Variants in GNAT2 observed in about 807,000 individuals in gnomAD.
GNAT2 encodes G protein subunit alpha transducin 2, also known as guanine nucleotide-binding protein G(t) subunit alpha-2.
Under a neutral mutation model 40.9 loss-of-function variants are expected in GNAT2, and 32 were observed. The observed-to-expected ratio is 0.78, with a 90% confidence interval of 0.59 to 1.05. GNAT2 has a LOEUF of 1.05. Ranked by LOEUF, GNAT2 falls within the 50% of genes least tolerant of loss-of-function variation. The pLI is 0.00. For synonymous variants in GNAT2, 141 were observed against 157.2 expected (o/e 0.90, Z 0.77); for missense variants, 355 against 431.5 (o/e 0.82, Z 1.57).
rs1649598255 is a variant in GNAT2, at chr1:109,606,415, T to A, written c.483A>T (p.Arg161=). 2 of 1,613,158 alleles carry A rather than the reference T, an allele frequency of 1.2e-6. No homozygotes were observed. ...TAGGGAGGTACTCAGGGTCTGTAAT[T>A]CGTTCTAATTGGTTCAGGTAGCTAG... ...SASYYLNQLE[R]ITDPEYLPSE... The change falls in exon 6 of 9, where the codon CGA becomes CGT. Residue 161 remains arginine (R), a synonymous_variant. Transcript: ENST00000679935.
At position 109,605,752 on chromosome 1, in the gene GNAT2, A is replaced by G. The variant is rs989457823; in HGVS notation, c.720+218T>C. 29 of 517,604 alleles carry G rather than the reference A, an allele frequency of 5.6e-5. No homozygotes were observed. The East Asian group carries it at 7.5e-4, about 13-fold the overall frequency. 32.1% of individuals were successfully genotyped at this position (517,604 alleles called of 1,614,324 possible). ...TACTTAGATGTCTAATTTGAGACCA[A>G]GCTCACTGTCAGTAAATTTGGAGCT... On this transcript the variant is annotated intron_variant, in intron 7 of 8. Transcript: ENST00000679935.
At chr1:109,608,499 G>T in intron 5 of GNAT2, 132 bp downstream of exon 5, 1 of 820,352 alleles carries the variant, frequency 1.2e-6, no homozygotes, top group Non-Finnish European at 2.2e-6. Flanking sequence ...AGATCCACAG[G>T]CTGAATTCAG....
At position 109,603,449 on chromosome 1, in the gene GNAT2, T is replaced by C. The variant is rs1257988049; in HGVS notation, c.970A>G (p.Thr324Ala). 3 of 1,594,022 alleles carry C rather than the reference T, an allele frequency of 1.9e-6. No individual in the cohort carries two copies. Among genetic ancestry groups the C allele is most frequent in the African/African-American group, 1.3e-5 (1 of 74,518 alleles). ...ACATTCTGTGTATCTGTAGCACAGG[T>C]CATGTGACTGTAGATTTCTTTGACA... Reference protein sequence around the residue: ...KDVKEIYSHMTCATDTQNVKF... With the variant: ...KDVKEIYSHMACATDTQNVKF... The change falls in exon 9 of 9, where the codon ACC becomes GCC. Residue 324 changes from threonine (T) to alanine (A), a missense_variant. Coordinates refer to ENST00000679935, the MANE Select transcript of GNAT2 (RefSeq NM_001377295.2).
chr1:109,606,537 GA>G, intron 5 of GNAT2, 101 bp from the exon 6 acceptor site: 2 of 973,672 alleles, frequency 2.1e-6, no homozygotes, highest in Admixed American at 3.5e-5. Context: ...TTTGGTGATA[GA>G]AATCAGGACT....
Position 109,608,968 on chromosome 1 carries a change from A to T in GNAT2, c.304-180T>A, listed in dbSNP as rs575967619. 1.1e-5 allele frequency: 7 copies of T among 666,610 alleles called. No individual in the cohort carries two copies. In the African/African-American group the frequency reaches 1.2e-4, roughly 12 times the overall value. The allele number at this position is 666,610 out of a possible 1,614,324, so 41.3% of individuals were successfully genotyped here. A position where few individuals can be genotyped will look rare whatever the true frequency, so the allele number is the denominator to read the frequency against. On this transcript the variant is annotated intron_variant, in intron 4 of 8. Coordinates refer to ENST00000679935, the MANE Select transcript of GNAT2 (RefSeq NM_001377295.2). ...TTGAATTTTTGAGTATGCTCCCCAG[A>T]TGCAGAGGGTGGCACTATACCCAGC... is the stretch of plus-strand genomic sequence containing the variant.
chr1:109,612,181 A>T (rs1383306440), intron 2 of GNAT2: 1 of 174,648 alleles, frequency 5.7e-6, no homozygotes, highest in East Asian at 1.5e-4. Context: ...CAGCTATTGA[A>T]TAGAGAGCCA....
chr1:109,605,217 G>T (rs1649556427), intron 7 of GNAT2: 2 of 152,992 alleles, frequency 1.3e-5, no homozygotes, highest in South Asian at 4.1e-4. Context: ...CATCAGCAAG[G>T]TGTGGACCTC....
intron 8 of GNAT2, 181 bp downstream of exon 8, chr1:109,603,770 T>C: frequency 6.0e-6 from 4 of 669,124 alleles, no homozygotes; most frequent in Non-Finnish European, 1.1e-5. Context: ...AGGTATCATA[T>C]GAAGTCAGTG....
At chr1:109,618,345 T>C (rs998282169) in intron 1 of GNAT2, 5 of 152,270 alleles carry the variant, frequency 3.3e-5, no homozygotes, top group Non-Finnish European at 7.3e-5. Context: ...CTGTATTTCA[T>C]GGTATGAATA....
chr1:109,615,897 TC>T (rs1649941107), intron 1 of GNAT2: 6 of 152,262 alleles, frequency 3.9e-5, no homozygotes, highest in Non-Finnish European at 8.8e-5. Flanking sequence ...ATGCATGAAC[TC>T]TATAACAGCA....
intron 8 of GNAT2, 97 bp downstream of exon 8, chr1:109,603,854 C>G: frequency 1.1e-6 from 1 of 919,100 alleles, no homozygotes; most frequent in East Asian, 2.4e-5. Context: ...CCAAGGTTCT[C>G]CCTTAAGTTC....
At chr1:109,607,799 A>G (rs1256142660) in intron 5 of GNAT2, 1 of 152,238 alleles carries the variant, frequency 6.6e-6, no homozygotes, top group Non-Finnish European at 1.5e-5. Context: ...AATGAGGCTA[A>G]TTAGAAAGGT....
intron 1 of GNAT2, chr1:109,617,417 T>C (rs76912669): frequency 0.077 from 11,670 of 152,190 alleles, 716 homozygotes; most frequent in East Asian, 0.32. Flanking sequence ...CTAGGGAATA[T>C]CTCAGAGGCT....
At chr1:109,605,553 T>C in intron 7 of GNAT2, 1 of 313,880 alleles carries the variant, frequency 3.2e-6, no homozygotes. Context: ...AACCCTTCTA[T>C]TATGTTGCAA....
At chr1:109,614,383 G>A (rs939918621) in intron 1 of GNAT2, 6 of 152,208 alleles carry the variant, frequency 3.9e-5, no homozygotes, top group Admixed American at 3.9e-4. Flanking sequence ...TGTTAAAATA[G>A]TGTATGTTTT....
intron 4 of GNAT2, chr1:109,609,013 G>A (rs191622872): frequency 2.3e-5 from 13 of 576,792 alleles, no homozygotes; most frequent in East Asian, 1.2e-4. Context: ...TGTCTAAAGC[G>A]GGGCAGGGGT....
chr1:109,610,171 G>A lies in GNAT2; in HGVS notation c.172C>T (p.Gln58Ter), dbSNP rs1234568897. The change falls in exon 4 of 9, where the codon CAG becomes TAG. Residue 58 changes from glutamine to a stop codon, truncating the protein, a stop_gained. Transcript: ENST00000679935. LOFTEE classifies it high-confidence loss of function. ...TIVKQMKIIHQDGYSPEECLE... is the reference protein window; with the variant it reads ...TIVKQMKIIH ...CATTCTTCTGGTGAATAGCCATCCT[G>A]GTGAATGATCCTGCAAGGGGCAGAC... 6.2e-7 allele frequency: 1 copy of A among 1,614,008 alleles called. No individual in the cohort carries two copies. Among genetic ancestry groups the A allele is most frequent in the Non-Finnish European group, 8.5e-7 (1 of 1,179,882 alleles).
At chr1:109,607,479 G>T (rs1285896964) in intron 5 of GNAT2, 1 of 147,974 alleles carries the variant, frequency 6.8e-6, no homozygotes, top group East Asian at 2.0e-4. Flanking sequence ...GAGGAAGGCA[G>T]ATGTGAACTG....
chr1:109,616,303 T>G (rs1162075574), intron 1 of GNAT2: 1 of 152,268 alleles, frequency 6.6e-6, no homozygotes, highest in Non-Finnish European at 1.5e-5. Context: ...CTCACATTAA[T>G]AAGCAAGTTG....
Sources: gnomAD v4.1 joint callset for allele counts on GRCh38, gnomAD v4.1.1 for gene constraint, MANE v1.5 for transcripts, NCBI Gene and HGNC (gene_info 2026-07-23, HGNC 2026-07-21) for gene names.